SORCS1: variants seen among roughly 807,000 people sequenced by gnomAD.
The protein encoded by SORCS1 is VPS10 domain-containing receptor SorCS1.
Under a neutral mutation model 146.1 loss-of-function variants are expected in SORCS1, and 60 were observed. The observed-to-expected ratio is 0.41, with a 90% CI of 0.33 to 0.51. SORCS1 has a LOEUF of 0.51. Among genes scored for constraint, SORCS1 ranks in the 20% least tolerant of loss-of-function variants. SORCS1 has a pLI of 0.21. For missense variants in SORCS1, 1,352 were observed against 1,487.6 expected, an observed-to-expected ratio of 0.91 and a Z score of 1.50; for synonymous variants, 637 against 584.0, an observed-to-expected ratio of 1.09 and a Z score of -1.31.
At chr10:106,665,981 C>T (rs1444854927) in intron 17 of SORCS1, among the ~76,000 whole-genome samples, 1 of 152,136 alleles carries the variant, frequency 6.6e-6, no homozygotes, top group Non-Finnish European at 1.5e-5. Context: ...GCTGGGACTA[C>T]AGGCACCCAC....
chr10:106,841,945 G>A, intron 2 of SORCS1, among the ~76,000 whole-genome samples: 1 of 152,084 alleles, frequency 6.6e-6, no homozygotes, highest in Admixed American at 6.6e-5. Flanking sequence ...TAAATATCAA[G>A]GTATGTGATT....
At chr10:106,686,203 G>A (rs1296404555) in intron 10 of SORCS1, among the ~76,000 whole-genome samples, 2 of 152,176 alleles carry the variant, frequency 1.3e-5, no homozygotes, top group African/African-American at 4.8e-5. Flanking sequence ...TGGATCAGGT[G>A]AGCAACAATG....
chr10:106,824,776 T>C (rs972389993), intron 3 of SORCS1, among the ~76,000 whole-genome samples: 4 of 152,130 alleles, frequency 2.6e-5, no homozygotes, highest in Admixed American at 1.3e-4. Context: ...AATGCTGGTA[T>C]GTACCAAGAG....
At position 106,960,529 on chromosome 10, in the gene SORCS1, C is replaced by A. The variant is rs1301863924; in HGVS notation, c.559-3949G>T. ...AAGCAATTCTCCTGCCTCAGCCTCC[C>A]GAGTAGCTGAGACTACAGGTGCGCC... On this transcript the variant is annotated intron_variant, in intron 1 of 25. Coordinates refer to ENST00000263054, the MANE Select transcript of SORCS1 (RefSeq NM_052918.5). The surrounding 1 kb of genome is among the most constrained non-coding windows in gnomAD (Gnocchi z 4.4). Among the ~76,000 whole-genome samples, 1 of 151,972 alleles carries A rather than the reference C, an allele frequency of 6.6e-6. No individual in the cohort carries two copies. Among genetic ancestry groups the A allele is most frequent in the Non-Finnish European group, 1.5e-5 (1 of 67,986 alleles).
chr10:106,742,170 T>C (rs1346711344), intron 5 of SORCS1, among the ~76,000 whole-genome samples: 1 of 152,148 alleles, frequency 6.6e-6, no homozygotes, highest in Non-Finnish European at 1.5e-5. Flanking sequence ...ATTCCTGGGG[T>C]GCGAAATGGC....
chr10:106,759,927 A>G (rs1200229694), intron 5 of SORCS1, among the ~76,000 whole-genome samples: 1 of 152,222 alleles, frequency 6.6e-6, no homozygotes, highest in Non-Finnish European at 1.5e-5. Flanking sequence ...CCCTCAAAAA[A>G]AAACAAGGCA....
chr10:106,788,627 C>G (rs1214165886), intron 3 of SORCS1, among the ~76,000 whole-genome samples: 1 of 152,212 alleles, frequency 6.6e-6, no homozygotes, highest in Non-Finnish European at 1.5e-5. Context: ...GACTCTATGT[C>G]TCACATTGAG....
Position 106,699,344 on chromosome 10 carries a change from T to C in SORCS1, c.1283A>G (p.Gln428Arg). ...TDENQVFAAVQEWNQNDTYNL... is the reference protein window; with the variant it reads ...TDENQVFAAVREWNQNDTYNL... ...GTACGTGTCATTCTGGTTCCATTCTTGGACCGCTGCGAACACCTGATTCTC... is the reference window on the plus strand; with the variant it reads ...GTACGTGTCATTCTGGTTCCATTCTCGGACCGCTGCGAACACCTGATTCTC... The change falls in exon 9 of 26, where the codon CAA becomes CGA. Residue 428 changes from glutamine to arginine, a missense_variant. Gln to Arg is a conservative substitution (Grantham distance 43). This residue lies in a region of SORCS1 where 648 missense variants were observed against 793.8 expected (regional missense o/e 0.82). Coordinates refer to ENST00000263054, the MANE Select transcript of SORCS1 (RefSeq NM_052918.5). 9 of 1,613,930 alleles carry C rather than the reference T, an allele frequency of 5.6e-6. No individual in the cohort carries two copies. The highest frequency in any genetic ancestry group is 6.8e-6 in the Non-Finnish European group (8 of 1,179,862).
At chr10:106,987,499 C>T (rs575393704) in intron 1 of SORCS1, among the ~76,000 whole-genome samples, 2 of 152,324 alleles carry the variant, frequency 1.3e-5, no homozygotes, top group South Asian at 2.1e-4. Flanking sequence ...ACTCTGGAAG[C>T]CCCACGTTCT....
chr10:106,992,826 CTTTT>C (rs36052970), intron 1 of SORCS1, among the ~76,000 whole-genome samples: 8 of 57,086 alleles, frequency 1.4e-4, no homozygotes, highest in African/African-American at 2.6e-4. Context: ...TTCTTTCTTT[CTTTT>C]TTTTTTTTTT....
intron 1 of SORCS1, among the ~76,000 whole-genome samples, chr10:106,973,825 C>T (rs1310059767): frequency 6.6e-6 from 1 of 152,178 alleles, no homozygotes; most frequent in Non-Finnish European, 1.5e-5. Context: ...TTAAACAAAT[C>T]ACTTCCATGA....
chr10:106,873,445 T>C (rs780480506), intron 2 of SORCS1, among the ~76,000 whole-genome samples: 2 of 152,188 alleles, frequency 1.3e-5, no homozygotes, highest in Non-Finnish European at 2.9e-5. Context: ...TACTCCATAC[T>C]TGAAACCAGG....
intron 1 of SORCS1, among the ~76,000 whole-genome samples, chr10:106,957,580 T>A (rs1207059189): frequency 6.6e-6 from 1 of 152,140 alleles, no homozygotes; most frequent in East Asian, 1.9e-4. Context: ...AGAAGCCACA[T>A]TGGCAGGGCT....
intron 6 of SORCS1, 33 bp from the exon 7 acceptor site, chr10:106,709,374 G>T: frequency 2.2e-6 from 3 of 1,369,934 alleles, no homozygotes; most frequent in Non-Finnish European, 3.1e-6. Context: ...AAAACATGGG[G>T]TTGAGGGGGA....
intron 1 of SORCS1, among the ~76,000 whole-genome samples, chr10:107,138,412 A>G (rs1231949007): frequency 6.6e-6 from 1 of 152,162 alleles, no homozygotes; most frequent in African/African-American, 2.4e-5. Flanking sequence ...TTCTTACTGC[A>G]TCCTTTTCAT....
intron 3 of SORCS1, among the ~76,000 whole-genome samples, chr10:106,818,697 T>C (rs1213126811): frequency 6.6e-6 from 1 of 152,224 alleles, no homozygotes; most frequent in Non-Finnish European, 1.5e-5. Flanking sequence ...CAGTGGAAAT[T>C]AACATGTTTT....
intron 1 of SORCS1, among the ~76,000 whole-genome samples, chr10:107,079,201 G>A (rs542974480): frequency 1.6e-4 from 25 of 151,564 alleles, no homozygotes; most frequent in South Asian, 8.4e-4. Flanking sequence ...ACTCCAGCCT[G>A]GGCAACAGAG....
chr10:106,853,644 TTTAA>T (rs1192920384), intron 2 of SORCS1, among the ~76,000 whole-genome samples: 2 of 152,048 alleles, frequency 1.3e-5, no homozygotes, highest in Non-Finnish European at 2.9e-5. Flanking sequence ...TCCTACAAAC[TTTAA>T]TTAATTTTAT....
intron 10 of SORCS1, among the ~76,000 whole-genome samples, chr10:106,683,777 C>T (rs1006897026): frequency 2.0e-5 from 3 of 152,190 alleles, no homozygotes; most frequent in African/African-American, 7.2e-5. Flanking sequence ...CCAACACTCT[C>T]CCTCCCGAAA....
Sources: gnomAD v4.1 joint callset for allele counts (sites outside exome capture counted in the v4.1 genomes callset) on GRCh38, gnomAD v4.1.1 for gene constraint, gnomAD v4.1.1 regional missense constraint, Gnocchi (gnomAD v3.1) non-coding constraint, MANE v1.5 for transcripts, NCBI Gene and HGNC (gene_info 2026-07-23, HGNC 2026-07-21) for gene names.